EXOC4: variants seen among roughly 807,000 people sequenced by gnomAD.
The protein encoded by EXOC4 is SEC8-like 1.
A neutral mutation model predicts 107.2 loss-of-function variants in EXOC4; 71 were observed. The observed-to-expected ratio is 0.66, with a 90% CI of 0.55 to 0.81. The LOEUF is 0.81. Among genes scored for constraint, EXOC4 ranks in the 30% least tolerant of loss-of-function variants. The pLI is 0.00. For missense variants in EXOC4, 1,108 were observed against 1,189.6 expected, an observed-to-expected ratio of 0.93 and a Z score of 1.01; for synonymous variants, 456 against 441.2, an observed-to-expected ratio of 1.03 and a Z score of -0.42.
chr7:133,564,514 TG>T (rs1188938223), intron 9 of EXOC4, among the ~76,000 whole-genome samples: 1 of 152,180 alleles, frequency 6.6e-6, no homozygotes, highest in Non-Finnish European at 1.5e-5. Context: ...CTATTTTTTT[TG>T]TTCTCCTTCT....
intron 5 of EXOC4, among the ~76,000 whole-genome samples, chr7:133,354,080 A>T (rs571947010): frequency 1.3e-5 from 2 of 151,894 alleles, no homozygotes; most frequent in African/African-American, 2.4e-5. Flanking sequence ...TTAAAACTTT[A>T]AAAAAAACTT....
intron 7 of EXOC4, among the ~76,000 whole-genome samples, chr7:133,457,258 G>A (rs1798484602): frequency 6.6e-6 from 1 of 152,176 alleles, no homozygotes; most frequent in Admixed American, 6.5e-5. Flanking sequence ...GAGGCCCGTG[G>A]TGTATGTTGT....
chr7:134,050,432 G>A (rs1374581023), intron 17 of EXOC4, among the ~76,000 whole-genome samples: 3 of 152,152 alleles, frequency 2.0e-5, no homozygotes, highest in South Asian at 2.1e-4. Context: ...AAACTAGTAA[G>A]TAAATACCCT....
chr7:134,021,722 G>GAA (rs60762484), intron 17 of EXOC4, among the ~76,000 whole-genome samples: 85 of 53,644 alleles, frequency 1.6e-3, no homozygotes, highest in African/African-American at 2.1e-3. Context: ...AGTCAAACCA[G>GAA]AAAAAAAAAA....
At chr7:133,788,446 A>T (rs1796635152) in intron 10 of EXOC4, among the ~76,000 whole-genome samples, 1 of 151,466 alleles carries the variant, frequency 6.6e-6, no homozygotes, top group South Asian at 2.1e-4. Flanking sequence ...TAAATGCTTC[A>T]CCCTCCTGTT....
chr7:133,370,994 A>G (rs1796363396), intron 6 of EXOC4, among the ~76,000 whole-genome samples: 2 of 152,202 alleles, frequency 1.3e-5, no homozygotes, highest in African/African-American at 4.8e-5. Context: ...CTGGGAAAGA[A>G]TGGAAATCTA....
chr7:133,742,984 G>A (rs1183308176), intron 10 of EXOC4, among the ~76,000 whole-genome samples: 1 of 152,194 alleles, frequency 6.6e-6, no homozygotes, highest in East Asian at 1.9e-4. Context: ...TTCTTGCTGT[G>A]TAGGTGCTGC....
intron 6 of EXOC4, among the ~76,000 whole-genome samples, chr7:133,358,014 G>T (rs1149562): frequency 0.33 from 49,964 of 151,798 alleles, 10,208 homozygotes; most frequent in East Asian, 0.52. Context: ...ATAGTGAAAC[G>T]CCAACTCTAC....
At chr7:133,408,287 G>A (rs765631772) in intron 7 of EXOC4, among the ~76,000 whole-genome samples, 6 of 151,238 alleles carry the variant, frequency 4.0e-5, no homozygotes, top group South Asian at 2.1e-4. Context: ...TGGTAGGGTG[G>A]TAGTGATGAT....
At chr7:133,911,950 T>A (rs867287412) in intron 12 of EXOC4, among the ~76,000 whole-genome samples, 126 of 152,310 alleles carry the variant, frequency 8.3e-4, no homozygotes, top group African/African-American at 2.8e-3. Flanking sequence ...TAGATATGAA[T>A]GGTGAAATCT....
At chr7:133,360,884 A>T (rs1327337099) in intron 6 of EXOC4, among the ~76,000 whole-genome samples, 3 of 152,198 alleles carry the variant, frequency 2.0e-5, no homozygotes, top group African/African-American at 7.2e-5. Context: ...AAAATATAAT[A>T]CCTGTTTTTA....
At chr7:133,526,525 C>T (rs979144972) in intron 9 of EXOC4, among the ~76,000 whole-genome samples, 1 of 152,158 alleles carries the variant, frequency 6.6e-6, no homozygotes, top group African/African-American at 2.4e-5. Context: ...AAGAGAGAAG[C>T]TTACCAGGAT....
At chr7:133,996,210 C>A (rs1794388136) in intron 14 of EXOC4, among the ~76,000 whole-genome samples, 1 of 152,146 alleles carries the variant, frequency 6.6e-6, no homozygotes, top group Admixed American at 6.5e-5. Flanking sequence ...GTTTTGCCTA[C>A]ATTAATTCAT....
rs183543113 is a variant in EXOC4 at position 133,725,214 on chromosome 7, A to C, written c.1515-92111A>C. The stretch of plus-strand genomic sequence containing the variant: ...CATATGGCTAGCGTATTGGTCAGAA[A>C]AATTTTATACATTTTCACAGGTTGC... On this transcript the variant is annotated intron_variant, in intron 10 of 17. Transcript: ENST00000253861. Among the ~76,000 whole-genome samples, 34 of 152,352 alleles carry C rather than the reference A, an allele frequency of 2.2e-4. No individual in the cohort carries two copies. The East Asian group carries it at 4.0e-3, about 18-fold the overall frequency.
intron 6 of EXOC4, among the ~76,000 whole-genome samples, chr7:133,366,995 T>C (rs896198245): frequency 6.6e-6 from 1 of 152,060 alleles, no homozygotes; most frequent in Non-Finnish European, 1.5e-5. Flanking sequence ...TAAAGAGACT[T>C]GGTGATGGCT....
chr7:133,268,303 A>G (rs1562995158), intron 1 of EXOC4, among the ~76,000 whole-genome samples: 1 of 152,146 alleles, frequency 6.6e-6, no homozygotes, highest in Non-Finnish European at 1.5e-5. Context: ...CTCTTGTTTG[A>G]TATAGTTGAT....
intron 7 of EXOC4, among the ~76,000 whole-genome samples, chr7:133,403,433 G>A (rs1029647415): frequency 2.0e-5 from 3 of 152,188 alleles, no homozygotes; most frequent in African/African-American, 7.2e-5. Flanking sequence ...GTTTGACCCA[G>A]AGCTGAAGTT....
At chr7:134,026,874 G>T (rs1489985702) in intron 17 of EXOC4, among the ~76,000 whole-genome samples, 3 of 152,084 alleles carry the variant, frequency 2.0e-5, no homozygotes, top group Non-Finnish European at 4.4e-5. Flanking sequence ...TAAAAGAGAA[G>T]GTTACAGAGT....
intron 3 of EXOC4, among the ~76,000 whole-genome samples, chr7:133,293,175 A>AT (rs1030595092): frequency 6.6e-6 from 1 of 152,156 alleles, no homozygotes; most frequent in Admixed American, 6.5e-5. Context: ...ATAAACAATG[A>AT]TTTGTATATC....
Sources: gnomAD v4.1 joint callset for allele counts (sites outside exome capture counted in the v4.1 genomes callset) on GRCh38, gnomAD v4.1.1 for gene constraint, MANE v1.5 for transcripts, NCBI Gene and HGNC (gene_info 2026-07-23, HGNC 2026-07-21) for gene names.